DTNA: variants seen among roughly 807,000 people sequenced by gnomAD.
The protein encoded by DTNA is dystrophin-related protein 3.
Under a neutral mutation model 100.7 loss-of-function variants are expected in DTNA, and 43 were observed. The observed-to-expected ratio is 0.43, with a 90% CI of 0.33 to 0.55. DTNA has a LOEUF of 0.55. Among genes scored for constraint, DTNA ranks in the 20% least tolerant of loss-of-function variants. The pLI is 0.04. For synonymous variants in DTNA, 349 were observed against 347.9 expected, an observed-to-expected ratio of 1.00 and a Z score of -0.04; for missense variants, 798 against 953.9, an observed-to-expected ratio of 0.84 and a Z score of 2.15.
At position 34,827,510 on chromosome 18, in the gene DTNA, G is replaced by A. The variant is rs961515407; in HGVS notation, c.1002-83G>A. 2.6e-5 allele frequency: 34 copies of A among 1,296,020 alleles called. 1 individual carries two copies. Among genetic ancestry groups the A allele is most frequent in the East Asian group, 6.9e-5 (3 of 43,366 alleles). The allele number at this position is 1,296,020 out of a possible 1,614,324, so 80.3% of individuals were successfully genotyped here. On this transcript the variant is annotated intron_variant, in intron 9 of 22. Transcript: ENST00000444659. ...GGTAGAACCCAGATCTTCCCATCCC[G>A]TTTCCTGGAGGGATGAGGGAGAGTT...
chr18:34,798,260 A>C (rs755051425), intron 4 of DTNA, among the ~76,000 whole-genome samples: 3 of 152,180 alleles, frequency 2.0e-5, no homozygotes, highest in Non-Finnish European at 2.9e-5. Flanking sequence ...TCAGCCTCTC[A>C]AAGTACTGGG....
chr18:34,835,112 A>G (rs749425769), intron 11 of DTNA, among the ~76,000 whole-genome samples: 7 of 152,184 alleles, frequency 4.6e-5, no homozygotes, highest in Non-Finnish European at 8.8e-5. Context: ...TCCTCTGTAC[A>G]TAGTCATATT....
chr18:34,735,048 A>G (rs991571772), intron 1 of DTNA, among the ~76,000 whole-genome samples: 5 of 152,128 alleles, frequency 3.3e-5, no homozygotes, highest in Admixed American at 6.6e-5. Context: ...TAGAACATAT[A>G]TATACACACA....
intron 18 of DTNA, 59 bp downstream of exon 18, chr18:34,875,457 T>G: frequency 6.2e-7 from 1 of 1,610,002 alleles, no homozygotes; most frequent in Non-Finnish European, 8.5e-7. Flanking sequence ...GTCACCAAGG[T>G]CTATTGAGTG....
At chr18:34,515,055 G>A (rs567820730) in intron 1 of DTNA, among the ~76,000 whole-genome samples, 1 of 152,040 alleles carries the variant, frequency 6.6e-6, no homozygotes, top group Admixed American at 6.6e-5. Flanking sequence ...CAGCTATTAG[G>A]GTAGACTCCC....
chr18:34,812,005 A>G lies in DTNA; in HGVS notation c.495A>G (p.Gly165=). The G allele has an allele frequency of 6.2e-7, 1 of 1,614,040 alleles. No individual in the cohort carries two copies. Among genetic ancestry groups the G allele is most frequent in the South Asian group, 1.1e-5 (1 of 91,082 alleles). The change falls in exon 6 of 23, where the codon GGA becomes GGG. Residue 165 remains glycine, a synonymous_variant. Coordinates refer to ENST00000444659, the MANE Select transcript of DTNA (RefSeq NM_001386795.1). The part of the protein sequence containing the change: ...ISDSSGVMVY[G]RYDQFLREVL... ...ACTCCAGTGGGGTGATGGTTTATGGACGATATGACCAATTCCTTCGGGAAG... is the reference window on the plus strand; with the variant it reads ...ACTCCAGTGGGGTGATGGTTTATGGGCGATATGACCAATTCCTTCGGGAAG...
chr18:34,818,148 C>T lies in DTNA; in HGVS notation c.710-16C>T. The T allele has an allele frequency of 6.2e-7, 1 of 1,613,906 alleles. No individual in the cohort carries two copies. The highest frequency in any genetic ancestry group is 2.2e-5 in the East Asian group (1 of 44,874). On this transcript the variant is annotated splice_polypyrimidine_tract_variant and intron_variant, in intron 7 of 22. Coordinates refer to ENST00000444659, the MANE Select transcript of DTNA (RefSeq NM_001386795.1). ...CTTTTGTTTTCTTGGTTTTTCTTCA[C>T]TTACTTCCCCCTTAGTCTTCCATCC...
intron 21 of DTNA, among the ~76,000 whole-genome samples, chr18:34,883,178 G>A (rs183682878): frequency 1.4e-4 from 22 of 152,194 alleles, no homozygotes; most frequent in Admixed American, 7.9e-4. Context: ...ATTCACAGGC[G>A]TTTACTTGGG....
intron 1 of DTNA, among the ~76,000 whole-genome samples, chr18:34,641,646 C>T (rs1599469894): frequency 1.3e-5 from 2 of 152,206 alleles, no homozygotes; most frequent in African/African-American, 4.8e-5. Context: ...TGGATTCAAC[C>T]TATCCCTCCT....
At chr18:34,779,123 A>G (rs942624073) in intron 3 of DTNA, among the ~76,000 whole-genome samples, 1 of 152,208 alleles carries the variant, frequency 6.6e-6, no homozygotes, top group Non-Finnish European at 1.5e-5. Context: ...AACAAAACAG[A>G]AAAAAACATT....
At chr18:34,782,361 A>C (rs1041879396) in intron 3 of DTNA, among the ~76,000 whole-genome samples, 1 of 152,224 alleles carries the variant, frequency 6.6e-6, no homozygotes. Context: ...GACCCTGAGC[A>C]TAAAATTTAG....
chr18:34,814,723 A>G (rs1407616097), intron 6 of DTNA, among the ~76,000 whole-genome samples: 2 of 151,870 alleles, frequency 1.3e-5, no homozygotes, highest in African/African-American at 2.4e-5. Flanking sequence ...AAAAGGACCT[A>G]TGTGTTCAAG....
intron 1 of DTNA, among the ~76,000 whole-genome samples, chr18:34,605,518 C>A (rs908529143): frequency 6.6e-6 from 1 of 152,130 alleles, no homozygotes; most frequent in African/African-American, 2.4e-5. Context: ...TACTGGTAAT[C>A]TGATGACAAG....
chr18:34,681,730 A>ACACC (rs1555696954), intron 1 of DTNA, among the ~76,000 whole-genome samples: 2 of 143,292 alleles, frequency 1.4e-5, no homozygotes, highest in African/African-American at 2.7e-5. Flanking sequence ...ACACACACAC[A>ACACC]CCCCACACAC....
At chr18:34,495,754 A>G (rs751968591) in intron 1 of DTNA, among the ~76,000 whole-genome samples, 36 of 152,184 alleles carry the variant, frequency 2.4e-4, no homozygotes, top group Non-Finnish European at 4.3e-4. Context: ...AAATTTTCTC[A>G]TTAGTTCTAA....
At chr18:34,712,417 G>T (rs1446636929) in intron 1 of DTNA, among the ~76,000 whole-genome samples, 1 of 151,980 alleles carries the variant, frequency 6.6e-6, no homozygotes, top group Non-Finnish European at 1.5e-5. Context: ...CTACAGTGAG[G>T]TTGTCTCAGT....
intron 1 of DTNA, among the ~76,000 whole-genome samples, chr18:34,727,575 T>C (rs1253717194): frequency 6.6e-6 from 1 of 152,174 alleles, no homozygotes; most frequent in Non-Finnish European, 1.5e-5. Flanking sequence ...CCTTTTTTTT[T>C]CTTTGAGAGA....
chr18:34,699,284 CT>C (rs1395565446), intron 1 of DTNA, among the ~76,000 whole-genome samples: 1 of 152,040 alleles, frequency 6.6e-6, no homozygotes, highest in Non-Finnish European at 1.5e-5. Context: ...TGCTGATGTC[CT>C]AAGTTCCAGG....
At chr18:34,552,171 G>A (rs548865206) in intron 1 of DTNA, among the ~76,000 whole-genome samples, 8 of 151,658 alleles carry the variant, frequency 5.3e-5, no homozygotes, top group South Asian at 2.1e-4. Context: ...TTTTTCCATC[G>A]TTACTTTTCA....
Sources: gnomAD v4.1 joint callset for allele counts (sites outside exome capture counted in the v4.1 genomes callset) on GRCh38, gnomAD v4.1.1 for gene constraint, MANE v1.5 for transcripts, NCBI Gene and HGNC (gene_info 2026-07-23, HGNC 2026-07-21) for gene names.